The following MAP1B variants were observed in gnomAD, a reference collection of about 807,000 sequenced individuals.
The protein encoded by MAP1B is microtubule-associated protein 1B.
MAP1B carries 12 observed loss-of-function variants against 176.1 expected under a neutral mutation model. That is an observed-to-expected ratio of 0.07 (90% CI 0.04 to 0.11). MAP1B has a LOEUF of 0.11. Ranked by LOEUF, MAP1B falls within the 10% of genes least tolerant of loss-of-function variation. The pLI is 1.00. For missense variants in MAP1B, 2,523 were observed against 2,990.5 expected, an observed-to-expected ratio of 0.84 and a Z score of 3.65; for synonymous variants, 1,044 against 1,135.0, an observed-to-expected ratio of 0.92 and a Z score of 1.61.
intron 2 of MAP1B, among the ~76,000 whole-genome samples, chr5:72,134,631 CATGAATAAAAAT>C (rs1320894643): frequency 6.6e-6 from 1 of 151,912 alleles, no homozygotes; most frequent in African/African-American, 2.4e-5. Context: ...GTGCTGACTG[CATGAATAAAAAT>C]ATACTCTGTA....
In MAP1B at chr5:72,207,845, T is replaced by A. The variant is rs531874696; in HGVS notation, c.*2606T>A. On this transcript the variant is annotated 3_prime_UTR_variant, in exon 7 of 7. Coordinates refer to ENST00000296755, the MANE Select transcript of MAP1B (RefSeq NM_005909.5). The stretch of plus-strand genomic sequence containing the variant: ...TGCAAGTTATTTTCCAATTTCACAA[T>A]TAAATGTATTTAACCTGAACATTAT... 7 of 152,318 alleles carry A rather than the reference T, an allele frequency of 4.6e-5. No individual in the cohort carries two copies. Among genetic ancestry groups the A allele is most frequent in the South Asian group, 2.1e-4 (1 of 4,828 alleles). 9.4% of individuals were successfully genotyped at this position (152,318 alleles called of 1,614,324 possible). A position where few individuals can be genotyped will look rare whatever the true frequency, so the allele number is the denominator to read the frequency against.
chr5:72,129,437 G>C (rs1351988592), intron 2 of MAP1B, among the ~76,000 whole-genome samples: 1 of 152,052 alleles, frequency 6.6e-6, no homozygotes, highest in Non-Finnish European at 1.5e-5. Context: ...GGCACCTGTA[G>C]TCCCAGCTAC....
chr5:72,206,624 A>G lies in MAP1B; in HGVS notation c.*1385A>G, dbSNP rs545755839. 1 of 152,512 alleles carries G rather than the reference A, an allele frequency of 6.6e-6. No homozygotes were observed. The highest frequency in any genetic ancestry group is 2.1e-4 in the South Asian group (1 of 4,826). 9.4% of individuals were successfully genotyped at this position (152,512 alleles called of 1,614,324 possible). On this transcript the variant is annotated 3_prime_UTR_variant, in exon 7 of 7. Transcript: ENST00000296755. The stretch of plus-strand genomic sequence containing the variant: ...GAATTTTTTTTTTAAGATATGTGAG[A>G]ACTTTTCATAGATGAACTTTTTAAC...
chr5:72,193,255 GT>G (rs34485863), intron 4 of MAP1B: 4 of 407,428 alleles, frequency 9.8e-6, no homozygotes, highest in Non-Finnish European at 1.9e-5. Context: ...ACCCACCAAG[GT>G]TTTTTCTTTT....
At chr5:72,188,991 T>G (rs4704592) in intron 4 of MAP1B, among the ~76,000 whole-genome samples, 130,170 of 152,106 alleles carry the variant, frequency 0.86, 56,163 homozygotes, top group East Asian at 0.97. Context: ...CTTGGAAAAA[T>G]GGTTGAGTAA....
At position 72,196,973 on chromosome 5, in the gene MAP1B, C is replaced by T. The variant is rs776967811; in HGVS notation, c.3618C>T (p.Thr1206=). 1.2e-6 allele frequency: 2 copies of T among 1,614,224 alleles called. No individual in the cohort carries two copies. Among genetic ancestry groups the T allele is most frequent in the Admixed American group, 1.7e-5 (1 of 60,036 alleles). Residue 1206 remains threonine (T), a synonymous_variant, in exon 5 of 7, where the codon ACC becomes ACT. Coordinates refer to ENST00000296755, the MANE Select transcript of MAP1B (RefSeq NM_005909.5). The surrounding 1 kb of genome is among the most constrained non-coding windows in gnomAD (Gnocchi z 5.3). ...DGKDYNASAS[T]ISPPSSMEED... ...AGGATTACAATGCTTCAGCCTCTAC[C>T]ATATCACCACCCTCTTCCATGGAGG...
At chr5:72,121,566 G>A (rs993231871) in intron 2 of MAP1B, among the ~76,000 whole-genome samples, 26 of 152,186 alleles carry the variant, frequency 1.7e-4, no homozygotes, top group East Asian at 5.8e-4. Flanking sequence ...ATTGGTTTTC[G>A]ATGGAGAATT....
At chr5:72,155,361 A>T (rs1746209605) in intron 2 of MAP1B, among the ~76,000 whole-genome samples, 1 of 152,240 alleles carries the variant, frequency 6.6e-6, no homozygotes, top group African/African-American at 2.4e-5. Flanking sequence ...TAATAAAAAC[A>T]GTAATTGAGA....
chr5:72,183,640 C>A, intron 2 of MAP1B, 103 bp from the exon 3 acceptor site: 1 of 777,586 alleles, frequency 1.3e-6, no homozygotes, highest in Non-Finnish European at 2.3e-6. Context: ...CTGTGTACCA[C>A]GTCGGAGGCA....
At chr5:72,192,430 T>G (rs1277320332) in intron 4 of MAP1B, among the ~76,000 whole-genome samples, 1 of 152,278 alleles carries the variant, frequency 6.6e-6, no homozygotes, top group African/African-American at 2.4e-5. Context: ...AGTTTTATTA[T>G]TTTGTTATTT....
chr5:72,178,159 T>C (rs1010923656), intron 2 of MAP1B, among the ~76,000 whole-genome samples: 1 of 152,142 alleles, frequency 6.6e-6, no homozygotes, highest in Admixed American at 6.5e-5. Context: ...TGCACCACCA[T>C]GCCTGGCTAA....
chr5:72,145,231 G>C, intron 2 of MAP1B, among the ~76,000 whole-genome samples: 1 of 152,166 alleles, frequency 6.6e-6, no homozygotes, highest in Non-Finnish European at 1.5e-5. Flanking sequence ...ATGATAGAAA[G>C]ATACTATTGG....
At chr5:72,181,350 T>C (rs1746762522) in intron 2 of MAP1B, among the ~76,000 whole-genome samples, 1 of 152,180 alleles carries the variant, frequency 6.6e-6, no homozygotes, top group East Asian at 1.9e-4. Flanking sequence ...AACTGCTTTA[T>C]GTTTTTTATT....
At chr5:72,166,166 A>G (rs997605223) in intron 2 of MAP1B, among the ~76,000 whole-genome samples, 16 of 152,190 alleles carry the variant, frequency 1.1e-4, no homozygotes, top group Non-Finnish European at 2.2e-4. Context: ...AAACTACATC[A>G]TGTACAAGGT....
chr5:72,168,006 C>T lies in MAP1B; in HGVS notation c.287-15737C>T, dbSNP rs147280310. ...GACTCTCCTCTGGAGGGATAGCTGA[C>T]GCACGGAAAGCACTGCTCCTCCACT... On this transcript the variant is annotated intron_variant, in intron 2 of 6. Transcript: ENST00000296755. 7.5e-4 allele frequency among the ~76,000 whole-genome samples: 114 copies of T among 152,354 alleles called. 4 individuals carry two copies. The South Asian group carries it at 0.014, about 19-fold the overall frequency.
rs1747262133 is a variant in MAP1B at position 72,199,174 on chromosome 5, A to G, written c.5819A>G (p.Tyr1940Cys). ...ACCCCTGAAGATGGTGACTATTCCT[A>G]TGAAATTATTGAGAAGACCACACGG... ...TKTPEDGDYS[Y>C]EIIEKTTRTP... The change falls in exon 5 of 7, where the codon TAT (tyrosine) becomes TGT (cysteine). Residue 1940 changes from tyrosine (Y) to cysteine (C), a missense_variant. By Grantham distance (194) the Tyr-to-Cys change is radical. Transcript: ENST00000296755. The surrounding 1 kb of genome is among the most constrained non-coding windows in gnomAD (Gnocchi z 4.2). 6.2e-7 allele frequency: 1 copy of G among 1,614,156 alleles called. No individual in the cohort carries two copies. Among genetic ancestry groups the G allele is most frequent in the Admixed American group, 1.7e-5 (1 of 60,012 alleles).
chr5:72,124,173 ACAT>A (rs542680113), intron 2 of MAP1B, among the ~76,000 whole-genome samples: 147 of 152,286 alleles, frequency 9.7e-4, no homozygotes, highest in African/African-American at 3.5e-3. Context: ...GTATCCCCAG[ACAT>A]CATACTCCAG....
intron 2 of MAP1B, among the ~76,000 whole-genome samples, chr5:72,143,466 A>G (rs1405783483): frequency 6.6e-6 from 1 of 152,150 alleles, no homozygotes; most frequent in Non-Finnish European, 1.5e-5. Flanking sequence ...CTTGGAGAGG[A>G]CGTATCGGTT....
At chr5:72,144,544 C>T (rs750654497) in intron 2 of MAP1B, among the ~76,000 whole-genome samples, 5 of 151,574 alleles carry the variant, frequency 3.3e-5, no homozygotes, top group Non-Finnish European at 7.4e-5. Flanking sequence ...CAGGTGTCCA[C>T]CATCACGCCC....
Sources: allele counts gnomAD v4.1 joint callset (sites outside exome capture counted in the v4.1 genomes callset), GRCh38; gene constraint gnomAD v4.1.1; non-coding constraint Gnocchi (gnomAD v3.1); transcripts MANE v1.5; gene names NCBI Gene and HGNC (gene_info 2026-07-23, HGNC 2026-07-21).